The following DNM1L variants were observed in gnomAD, a reference collection of about 807,000 sequenced individuals.
The protein encoded by DNM1L is dynamin-1-like protein.
Under a neutral mutation model 92.8 loss-of-function variants are expected in DNM1L, and 33 were observed. That is an observed-to-expected ratio of 0.36 (90% CI 0.27 to 0.48). The LOEUF (loss-of-function observed/expected upper bound fraction) is 0.48, where lower values mean the gene tolerates loss of function less well. DNM1L is among the 20% of genes least tolerant of loss of function. DNM1L has a pLI of 0.99. For missense variants in DNM1L, 485 were observed against 888.8 expected, an observed-to-expected ratio of 0.55 and a Z score of 5.78; for synonymous variants, 284 against 305.0, an observed-to-expected ratio of 0.93 and a Z score of 0.72.
intron 18 of DNM1L, among the ~76,000 whole-genome samples, chr12:32,740,796 A>G (rs2137594655): frequency 6.6e-6 from 1 of 152,312 alleles, no homozygotes; most frequent in South Asian, 2.1e-4. Context: ...TCTTTTTCCT[A>G]AATTTTAATT....
intron 1 of DNM1L, among the ~76,000 whole-genome samples, chr12:32,688,401 T>G (rs1040367617): frequency 2.0e-5 from 3 of 152,224 alleles, no homozygotes; most frequent in Admixed American, 6.5e-5. Flanking sequence ...TGCCTCTGGC[T>G]CCTATGGTTT....
chr12:32,730,522 C>T (rs970015574), intron 9 of DNM1L, among the ~76,000 whole-genome samples: 12 of 152,190 alleles, frequency 7.9e-5, no homozygotes, highest in Admixed American at 7.9e-4. Flanking sequence ...GGCTAACAAG[C>T]TATACTTATT....
Position 32,738,254 on chromosome 12 carries a change from CTTT to C in DNM1L, c.1675-8_1675-6del. The C allele has an allele frequency of 6.2e-7, 1 of 1,613,410 alleles. No homozygotes were observed. Among genetic ancestry groups the C allele is most frequent in the Non-Finnish European group, 8.5e-7 (1 of 1,179,648 alleles). ...TGTTAAATTGCATGTTTTAACATAT[CTTT>C]TAACAGTTAATTCAGGACAGCAGAA... On this transcript the variant is annotated splice_region_variant and splice_polypyrimidine_tract_variant and intron_variant, in intron 15 of 19. Coordinates refer to ENST00000549701, the MANE Select transcript of DNM1L (RefSeq NM_012062.5).
intron 1 of DNM1L, among the ~76,000 whole-genome samples, chr12:32,688,988 G>A (rs1035347528): frequency 6.6e-6 from 1 of 152,160 alleles, no homozygotes; most frequent in Admixed American, 6.5e-5. Flanking sequence ...CTTGAGCCCA[G>A]GAGGTTGAGG....
intron 1 of DNM1L, among the ~76,000 whole-genome samples, chr12:32,681,127 G>A (rs1262721077): frequency 6.6e-6 from 1 of 152,124 alleles, no homozygotes; most frequent in Non-Finnish European, 1.5e-5. Flanking sequence ...CCTTCTGAAA[G>A]CCATTAACAT....
intron 9 of DNM1L, among the ~76,000 whole-genome samples, chr12:32,724,577 A>C (rs1159375477): frequency 0.016 from 1,234 of 76,808 alleles, 29 homozygotes; most frequent in African/African-American, 0.067. Context: ...CTCTATCTCC[A>C]AAAAAAAAAA....
chr12:32,703,781 C>T (rs1952809467), intron 2 of DNM1L, among the ~76,000 whole-genome samples: 2 of 152,070 alleles, frequency 1.3e-5, no homozygotes, highest in South Asian at 4.1e-4. Flanking sequence ...GATGTAGCTT[C>T]ATCAAAACTG....
intron 13 of DNM1L, among the ~76,000 whole-genome samples, chr12:32,736,706 TTCTGTGATC>T (rs1185987480): frequency 6.6e-6 from 1 of 152,212 alleles, no homozygotes; most frequent in Non-Finnish European, 1.5e-5. Context: ...TTGCGGAGTT[TTCTGTGATC>T]TCTGGACTTC....
intron 9 of DNM1L, among the ~76,000 whole-genome samples, chr12:32,723,372 A>G (rs1376893859): frequency 6.6e-6 from 1 of 152,190 alleles, no homozygotes; most frequent in East Asian, 1.9e-4. Context: ...AAAAGAATGA[A>G]AAAGATTATT....
intron 6 of DNM1L, among the ~76,000 whole-genome samples, chr12:32,716,758 A>G (rs1176030995): frequency 2.1e-5 from 3 of 145,718 alleles, no homozygotes; most frequent in Non-Finnish European, 4.5e-5. Context: ...ATATATATAT[A>G]TATATAGTAA....
intron 1 of DNM1L, among the ~76,000 whole-genome samples, chr12:32,688,357 T>C (rs1189835864): frequency 6.6e-6 from 1 of 152,212 alleles, no homozygotes; most frequent in Non-Finnish European, 1.5e-5. Context: ...GAATTTTTGA[T>C]GGGGAGGTTT....
At chr12:32,716,369 C>G (rs1450856337) in intron 6 of DNM1L, among the ~76,000 whole-genome samples, 5 of 152,054 alleles carry the variant, frequency 3.3e-5, no homozygotes, top group Admixed American at 6.6e-5. Flanking sequence ...GGGTCTCATT[C>G]TGTTGCCCAG....
intron 1 of DNM1L, among the ~76,000 whole-genome samples, chr12:32,695,795 A>G (rs1298479569): frequency 2.0e-5 from 3 of 152,092 alleles, no homozygotes; most frequent in Admixed American, 2.0e-4. Context: ...GAATGAATGA[A>G]TGAAATGAAA....
At chr12:32,700,400 G>C (rs1160027686) in intron 1 of DNM1L, among the ~76,000 whole-genome samples, 2 of 150,654 alleles carry the variant, frequency 1.3e-5, no homozygotes, top group Non-Finnish European at 3.0e-5. Context: ...GATTAACACA[G>C]AAGTAGTTAA....
At position 32,731,786 on chromosome 12, in the gene DNM1L, T is replaced by A; in HGVS notation, c.1357-68T>A. On this transcript the variant is annotated intron_variant, in intron 11 of 19. Coordinates refer to ENST00000549701, the MANE Select transcript of DNM1L (RefSeq NM_012062.5). This position sits in a 1 kb window ranked among gnomAD's most constrained non-coding sequence, Gnocchi z 5.1. ...TGGGAGGCTAAGGTGGGAGGATGGC[T>A]TAGTGAGACTATGACTTAAAAAAAA... 7.5e-7 allele frequency: 1 copy of A among 1,335,148 alleles called. No individual in the cohort carries two copies. Among genetic ancestry groups the A allele is most frequent in the Non-Finnish European group, 1.1e-6 (1 of 932,538 alleles). The allele number at this position is 1,335,148 out of a possible 1,614,324, so 82.7% of individuals were successfully genotyped here.
At chr12:32,737,993 C>T in intron 15 of DNM1L, 51 bp downstream of exon 15, 1 of 1,567,032 alleles carries the variant, frequency 6.4e-7, no homozygotes, top group African/African-American at 1.4e-5. Flanking sequence ...TCTGGTACAA[C>T]ATAATCTTCT....
chr12:32,679,348 C>G lies in DNM1L; in HGVS notation c.-16C>G. 2.5e-6 allele frequency: 4 copies of G among 1,603,656 alleles called. No homozygotes were observed. The highest frequency in any genetic ancestry group is 3.4e-6 in the Non-Finnish European group (4 of 1,171,826). ...GCCGTGGCCGGCGGGCACTGGGGCC[C>G]CGTGTTTTCAGAGTCATGGAGGCGC... is the stretch of plus-strand genomic sequence containing the variant. On this transcript the variant is annotated 5_prime_UTR_variant, in exon 1 of 20. Transcript: ENST00000549701.
intron 6 of DNM1L, among the ~76,000 whole-genome samples, chr12:32,715,095 T>C (rs1953304521): frequency 7.0e-6 from 1 of 143,870 alleles, no homozygotes. Context: ...AATCTAATCT[T>C]TTTTTTTTTT....
intron 8 of DNM1L, among the ~76,000 whole-genome samples, chr12:32,721,893 C>G (rs984481563): frequency 2.0e-5 from 3 of 152,118 alleles, no homozygotes; most frequent in Admixed American, 6.5e-5. Flanking sequence ...AGCATATACC[C>G]ACTTACTGTA....
Sources: allele counts gnomAD v4.1 joint callset (sites outside exome capture counted in the v4.1 genomes callset), GRCh38; gene constraint gnomAD v4.1.1; non-coding constraint Gnocchi (gnomAD v3.1); transcripts MANE v1.5; gene names NCBI Gene and HGNC (gene_info 2026-07-23, HGNC 2026-07-21).